FBXL17: variants seen among roughly 807,000 people sequenced by gnomAD.
FBXL17 encodes F-box/LRR-repeat protein 17.
Under a neutral mutation model 66.2 loss-of-function variants are expected in FBXL17, and 22 were observed. That is an observed-to-expected ratio of 0.33 (90% confidence interval 0.24 to 0.47). The LOEUF (loss-of-function observed/expected upper bound fraction) is 0.47, where lower values mean the gene tolerates loss of function less well. Among genes scored for constraint, FBXL17 ranks in the 20% least tolerant of loss-of-function variants. The probability of loss-of-function intolerance (pLI) is 1.00; values close to 1 mark genes in which losing one functional copy is unlikely to be tolerated. For missense variants in FBXL17, 878 were observed against 948.2 expected, an observed-to-expected ratio of 0.93 and a Z score of 0.97; for synonymous variants, 474 against 400.5, an observed-to-expected ratio of 1.18 and a Z score of -2.19.
At chr5:108,316,491 C>G (rs1350548700) in intron 4 of FBXL17, among the ~76,000 whole-genome samples, 1 of 151,390 alleles carries the variant, frequency 6.6e-6, no homozygotes, top group Non-Finnish European at 1.5e-5. Flanking sequence ...AGAACCTTAA[C>G]ACGGCAGGCA....
At chr5:108,361,421 C>T (rs1447936504) in intron 3 of FBXL17, among the ~76,000 whole-genome samples, 1 of 152,208 alleles carries the variant, frequency 6.6e-6, no homozygotes, top group Non-Finnish European at 1.5e-5. Context: ...CCATACCATT[C>T]ACAACTCTGC....
chr5:108,182,647 ACAATACATATATTTAG>A (rs1430680262), intron 6 of FBXL17, among the ~76,000 whole-genome samples: 65 of 152,344 alleles, frequency 4.3e-4, no homozygotes, highest in Non-Finnish European at 7.6e-4. Context: ...ATAAATCTCT[ACAATACATATATTTAG>A]GATCAAACAC....
chr5:107,933,730 G>A (rs1750805835), intron 7 of FBXL17, among the ~76,000 whole-genome samples: 1 of 152,220 alleles, frequency 6.6e-6, no homozygotes, highest in East Asian at 1.9e-4. Flanking sequence ...TTTGCAAAGT[G>A]TGAGGTAGTG....
chr5:108,008,754 C>T (rs548827379), intron 7 of FBXL17, among the ~76,000 whole-genome samples: 3 of 152,178 alleles, frequency 2.0e-5, no homozygotes, highest in Admixed American at 1.3e-4. Context: ...CTCCTCAGAA[C>T]ACCAGAGACA....
intron 6 of FBXL17, among the ~76,000 whole-genome samples, chr5:108,156,405 A>C (rs1265348124): frequency 6.6e-6 from 1 of 152,052 alleles, no homozygotes; most frequent in Non-Finnish European, 1.5e-5. Context: ...ATATCACTAA[A>C]TAATTTCTGG....
At chr5:107,969,167 ATTTAC>A (rs1752268263) in intron 7 of FBXL17, among the ~76,000 whole-genome samples, 1 of 152,142 alleles carries the variant, frequency 6.6e-6, no homozygotes. Flanking sequence ...AACTTAAAAC[ATTTAC>A]TATCTGACCT....
At chr5:108,065,476 A>G (rs1748082780) in intron 6 of FBXL17, among the ~76,000 whole-genome samples, 1 of 152,238 alleles carries the variant, frequency 6.6e-6, no homozygotes, top group African/African-American at 2.4e-5. Flanking sequence ...ATTCACAATC[A>G]CAACGTGGCA....
chr5:107,932,426 T>C (rs186269988), intron 7 of FBXL17, among the ~76,000 whole-genome samples: 40 of 152,286 alleles, frequency 2.6e-4, no homozygotes, highest in Non-Finnish European at 4.7e-4. Context: ...TCCATGTGGC[T>C]AGCAGCAGGT....
At chr5:107,936,028 C>T (rs955530494) in intron 7 of FBXL17, among the ~76,000 whole-genome samples, 3 of 152,130 alleles carry the variant, frequency 2.0e-5, no homozygotes, top group Non-Finnish European at 4.4e-5. Context: ...AAATCATCAA[C>T]ACCCATATAT....
chr5:108,149,762 C>T (rs1482908145), intron 6 of FBXL17, among the ~76,000 whole-genome samples: 1 of 152,120 alleles, frequency 6.6e-6, no homozygotes, highest in Non-Finnish European at 1.5e-5. Flanking sequence ...TTAAGATAGT[C>T]CATGTTCTCT....
Position 108,289,082 on chromosome 5 carries a change from G to A in FBXL17, c.1506+59317C>T, listed in dbSNP as rs151170110. 2.7e-3 allele frequency among the ~76,000 whole-genome samples: 418 copies of A among 152,160 alleles called. 4 individuals carry two copies. The highest frequency in any genetic ancestry group is 9.5e-3 in the African/African-American group (396 of 41,532). On this transcript the variant is annotated intron_variant, in intron 4 of 8. Transcript: ENST00000542267. ...CAAACTGGAACACCTCTACTTACTA[G>A]TAATGACATCATGGGTAAATGAAAG...
chr5:108,004,433 G>T (rs1753850959), intron 7 of FBXL17, among the ~76,000 whole-genome samples: 1 of 152,072 alleles, frequency 6.6e-6, no homozygotes, highest in Non-Finnish European at 1.5e-5. Context: ...TTACATGATA[G>T]AAATAAAATA....
chr5:108,130,325 C>T (rs1750881513), intron 6 of FBXL17, among the ~76,000 whole-genome samples: 1 of 151,680 alleles, frequency 6.6e-6, no homozygotes, highest in East Asian at 1.9e-4. Context: ...AACAGAAAAT[C>T]TCAAATCTTA....
At chr5:108,274,660 T>C (rs1316641736) in intron 4 of FBXL17, among the ~76,000 whole-genome samples, 1 of 152,176 alleles carries the variant, frequency 6.6e-6, no homozygotes, top group African/African-American at 2.4e-5. Flanking sequence ...AAGTGATAAG[T>C]GTCCATGAAA....
At chr5:107,901,434 C>G (rs1341050661) in intron 7 of FBXL17, among the ~76,000 whole-genome samples, 1 of 152,086 alleles carries the variant, frequency 6.6e-6, no homozygotes, top group Non-Finnish European at 1.5e-5. Context: ...TCTAGGCAAA[C>G]TTTTACTTAA....
At chr5:107,922,965 T>A (rs1022171480) in intron 7 of FBXL17, among the ~76,000 whole-genome samples, 1 of 152,224 alleles carries the variant, frequency 6.6e-6, no homozygotes, top group African/African-American at 2.4e-5. Flanking sequence ...GGTGTTTCTG[T>A]CTAGTGCCTA....
At chr5:108,011,512 A>G (rs1754168728) in intron 7 of FBXL17, among the ~76,000 whole-genome samples, 1 of 152,160 alleles carries the variant, frequency 6.6e-6, no homozygotes, top group African/African-American at 2.4e-5. Context: ...CAGGAGAAGA[A>G]AGTTAATGGG....
chr5:108,045,095 T>C (rs887154313), intron 6 of FBXL17, among the ~76,000 whole-genome samples: 2 of 152,164 alleles, frequency 1.3e-5, no homozygotes, highest in Non-Finnish European at 2.9e-5. Context: ...CTTGGCTTCA[T>C]TGACTTTGTT....
At chr5:108,285,626 C>A (rs1256303083) in intron 4 of FBXL17, among the ~76,000 whole-genome samples, 1 of 151,666 alleles carries the variant, frequency 6.6e-6, no homozygotes, top group African/African-American at 2.4e-5. Context: ...AGCAATAGGT[C>A]TCAAAAGCGG....
Sources: gnomAD v4.1 joint callset for allele counts (sites outside exome capture counted in the v4.1 genomes callset) on GRCh38, gnomAD v4.1.1 for gene constraint, MANE v1.5 for transcripts, NCBI Gene and HGNC (gene_info 2026-07-23, HGNC 2026-07-21) for gene names.